Variants in RBFOX1 observed in about 807,000 individuals in gnomAD.
RBFOX1 encodes the protein RNA binding protein fox-1 homolog 1.
RBFOX1 carries 8 observed loss-of-function variants against 57.7 expected under a neutral mutation model. The observed-to-expected ratio is 0.14, with a 90% CI of 0.08 to 0.25. RBFOX1 has a LOEUF of 0.25. RBFOX1 is among the 10% of genes least tolerant of loss of function. RBFOX1 has a pLI of 1.00. For synonymous variants in RBFOX1, 326 were observed against 222.4 expected (o/e 1.47, Z -4.15); for missense variants, 611 against 548.5 (o/e 1.11, Z -1.14).
chr16:5,382,804 C>G (rs1489022473), intron 1 of RBFOX1, among the ~76,000 whole-genome samples: 1 of 152,208 alleles, frequency 6.6e-6, no homozygotes, highest in African/African-American at 2.4e-5. Context: ...CAATATGCCA[C>G]TGTGGTTTAT....
intron 3 of RBFOX1, among the ~76,000 whole-genome samples, chr16:5,717,149 T>C (rs538095162): frequency 1.3e-5 from 2 of 152,306 alleles, no homozygotes; most frequent in African/African-American, 4.8e-5. Flanking sequence ...TCAAGGACTT[T>C]CATGAATCCA....
intron 3 of RBFOX1, among the ~76,000 whole-genome samples, chr16:7,017,721 C>T (rs150379322): frequency 2.6e-5 from 4 of 152,092 alleles, no homozygotes; most frequent in Admixed American, 2.0e-4. Flanking sequence ...TTTCTCTTCA[C>T]GTTTTCACAA....
intron 2 of RBFOX1, among the ~76,000 whole-genome samples, chr16:6,434,161 CT>C (rs1163401825): frequency 2.6e-5 from 4 of 152,030 alleles, no homozygotes; most frequent in African/African-American, 9.7e-5. Context: ...TCTAAGGGCA[CT>C]TGTGATAACA....
chr16:5,759,793 A>ATT (rs35699391), intron 3 of RBFOX1, among the ~76,000 whole-genome samples: 4 of 151,322 alleles, frequency 2.6e-5, no homozygotes, highest in Non-Finnish European at 5.9e-5. Flanking sequence ...CCTCTCTGGG[A>ATT]TTTTTTTTTC....
chr16:6,146,702 T>G (rs1416513681), intron 1 of RBFOX1, among the ~76,000 whole-genome samples: 2 of 152,230 alleles, frequency 1.3e-5, no homozygotes, highest in Admixed American at 1.3e-4. Flanking sequence ...AATCAAGCTG[T>G]TATTTTTTTG....
chr16:7,193,904 A>G (rs916524983), intron 4 of RBFOX1, among the ~76,000 whole-genome samples: 9 of 152,238 alleles, frequency 5.9e-5, no homozygotes, highest in Non-Finnish European at 7.3e-5. Flanking sequence ...CTGGAAGGAT[A>G]AGATATTCTA....
intron 4 of RBFOX1, among the ~76,000 whole-genome samples, chr16:5,963,848 A>T (rs2152291000): frequency 6.6e-6 from 1 of 152,350 alleles, no homozygotes; most frequent in South Asian, 2.1e-4. Flanking sequence ...TGGTCTTAGC[A>T]GTTTTTTGGA....
intron 4 of RBFOX1, among the ~76,000 whole-genome samples, chr16:7,376,171 A>G (rs1217499088): frequency 7.2e-5 from 11 of 152,196 alleles, no homozygotes; most frequent in South Asian, 2.1e-4. Flanking sequence ...TGGAACATAT[A>G]TGTTTATGAG....
chr16:5,346,169 G>A (rs2065134928), intron 1 of RBFOX1, among the ~76,000 whole-genome samples: 1 of 152,134 alleles, frequency 6.6e-6, no homozygotes, highest in African/African-American at 2.4e-5. Context: ...AGGCAGAGGG[G>A]AGTTTCGATC....
intron 5 of RBFOX1, among the ~76,000 whole-genome samples, chr16:7,537,844 C>A (rs1258353150): frequency 6.6e-6 from 1 of 152,182 alleles, no homozygotes; most frequent in Non-Finnish European, 1.5e-5. Flanking sequence ...GAAAACAATT[C>A]TGGATAAATT....
chr16:5,318,338 A>G (rs1024038283), intron 1 of RBFOX1, among the ~76,000 whole-genome samples: 3 of 152,096 alleles, frequency 2.0e-5, no homozygotes, highest in East Asian at 1.9e-4. Flanking sequence ...CATATCGGCC[A>G]GGCTGGTCTC....
At chr16:5,839,648 C>G (rs1307970727) in intron 3 of RBFOX1, among the ~76,000 whole-genome samples, 2 of 152,196 alleles carry the variant, frequency 1.3e-5, no homozygotes, top group Non-Finnish European at 2.9e-5. Flanking sequence ...TCAACAGCAT[C>G]AGGAATTCAA....
At chr16:5,366,269 C>A in intron 1 of RBFOX1, 2 of 384,408 alleles carry the variant, frequency 5.2e-6, no homozygotes, top group South Asian at 2.2e-5. Context: ...AACTTGCTGC[C>A]GATGAAGATG....
intron 4 of RBFOX1, among the ~76,000 whole-genome samples, chr16:5,867,645 G>C (rs1435127315): frequency 6.6e-6 from 1 of 152,134 alleles, no homozygotes; most frequent in Admixed American, 6.6e-5. Flanking sequence ...GACCTCCACT[G>C]TCTGTATTAT....
chr16:7,246,100 TGA>T (rs139561433), intron 4 of RBFOX1, among the ~76,000 whole-genome samples: 6,849 of 152,286 alleles, frequency 0.045, 536 homozygotes, highest in African/African-American at 0.15. Flanking sequence ...GCAAATATTT[TGA>T]GAGTTTTTTT....
intron 4 of RBFOX1, among the ~76,000 whole-genome samples, chr16:5,877,110 A>G (rs1322935462): frequency 6.6e-6 from 1 of 152,208 alleles, no homozygotes; most frequent in East Asian, 1.9e-4. Flanking sequence ...AGAATAAAAG[A>G]ATTACTGATT....
At chr16:5,691,346 G>A (rs2050674903) in intron 3 of RBFOX1, among the ~76,000 whole-genome samples, 1 of 152,182 alleles carries the variant, frequency 6.6e-6, no homozygotes, top group South Asian at 2.1e-4. Flanking sequence ...CTGTGCTGAT[G>A]CAAGATGTAC....
chr16:7,686,458 C>G (rs1394284308), intron 14 of RBFOX1, among the ~76,000 whole-genome samples: 3 of 152,050 alleles, frequency 2.0e-5, no homozygotes, highest in African/African-American at 7.2e-5. Flanking sequence ...GCCCAATCTC[C>G]CAGTATAAAC....
chr16:7,614,749 C>A (rs2058146991), intron 10 of RBFOX1: 1 of 152,126 alleles, frequency 6.6e-6, no homozygotes, highest in Non-Finnish European at 1.5e-5. Flanking sequence ...CAACAGCAAG[C>A]CACTTGCAGG....
Sources: gnomAD v4.1 joint callset for allele counts (sites outside exome capture counted in the v4.1 genomes callset) on GRCh38, gnomAD v4.1.1 for gene constraint, MANE v1.5 for transcripts, NCBI Gene and HGNC (gene_info 2026-07-23, HGNC 2026-07-21) for gene names.